INPP1: variants seen among roughly 807,000 people sequenced by gnomAD.
INPP1 encodes inositol polyphosphate-1-phosphatase, also known as inositol polyphosphate 1-phosphatase.
Under a neutral mutation model 23.0 loss-of-function variants are expected in INPP1, and 18 were observed. The observed-to-expected ratio is 0.78, with a 90% CI of 0.54 to 1.16. The LOEUF is 1.16. Ranked by LOEUF, INPP1 falls within the 50% of genes most tolerant of loss-of-function variation. The pLI is 0.00. For missense variants in INPP1, 448 were observed against 482.1 expected (o/e 0.93, Z 0.66); for synonymous variants, 164 against 176.3 (o/e 0.93, Z 0.55).
In INPP1 at chr2:190,352,167, G is replaced by A. The variant is rs1474805114; in HGVS notation, c.-65+3136G>A. Among the ~76,000 whole-genome samples, 1 of 152,152 alleles carries A rather than the reference G, an allele frequency of 6.6e-6. No homozygotes were observed. Among genetic ancestry groups the A allele is most frequent in the East Asian group, 1.9e-4 (1 of 5,192 alleles). On this transcript the variant is annotated intron_variant, in intron 2 of 6. Coordinates refer to ENST00000392329, the MANE Select transcript of INPP1 (RefSeq NM_001128928.2). This position sits in a 1 kb window ranked among gnomAD's most constrained non-coding sequence, Gnocchi z 4.7. ...TTCTGAGAAGGTGAGTGAGCATTAG[G>A]TCGAGAAAGCAGGAAGAAGGGCGTG... is the stretch of plus-strand genomic sequence containing the variant.
In INPP1 at chr2:190,352,361, T is replaced by A. The variant is rs1369023819; in HGVS notation, c.-65+3330T>A. On this transcript the variant is annotated intron_variant, in intron 2 of 6. Coordinates refer to ENST00000392329, the MANE Select transcript of INPP1 (RefSeq NM_001128928.2). The surrounding 1 kb of genome is among the most constrained non-coding windows in gnomAD (Gnocchi z 4.7). The stretch of plus-strand genomic sequence containing the variant: ...AATAAGACCCAGGAAGTACAGGCAG[T>A]CCCAAACTGTAATATTTATTGGATC... Among the ~76,000 whole-genome samples, 2 of 152,182 alleles carry A rather than the reference T, an allele frequency of 1.3e-5. No individual in the cohort carries two copies. Among genetic ancestry groups the A allele is most frequent in the Non-Finnish European group, 2.9e-5 (2 of 68,030 alleles).
At chr2:190,353,507 A>G (rs1689361868) in intron 2 of INPP1, among the ~76,000 whole-genome samples, 1 of 152,220 alleles carries the variant, frequency 6.6e-6, no homozygotes, top group Non-Finnish European at 1.5e-5. Flanking sequence ...AAGACATGTG[A>G]CTGTGGTTTC....
intron 4 of INPP1, among the ~76,000 whole-genome samples, chr2:190,366,481 T>C (rs1530226): frequency 0.64 from 95,605 of 149,442 alleles, 31,116 homozygotes; most frequent in East Asian, 0.76. Flanking sequence ...CTCGCTCTTT[T>C]GCTGTGTCTC....
rs191502439 is a variant in INPP1 at position 190,370,237 on chromosome 2, A to G, written c.642-607A>G. On this transcript the variant is annotated intron_variant, in intron 6 of 6. Coordinates refer to ENST00000392329, the MANE Select transcript of INPP1 (RefSeq NM_001128928.2). The stretch of plus-strand genomic sequence containing the variant: ...ACCACTTTCTAGCTGAGTGGGCCTC[A>G]GCAAGCTACTTACTTTCTCTAAGCC... Among the ~76,000 whole-genome samples, 5 of 150,114 alleles carry G rather than the reference A, an allele frequency of 3.3e-5. No homozygotes were observed. The East Asian group carries it at 9.6e-4, about 29-fold the overall frequency.
In INPP1 at chr2:190,343,925, GCTGCTGCCTC is replaced by G. The variant is rs2124905387; in HGVS notation, c.-239_-230del. 5.4e-6 allele frequency: 1 copy of G among 183,548 alleles called. No homozygotes were observed. The highest frequency in any genetic ancestry group is 2.4e-5 in the African/African-American group (1 of 41,800). The allele number at this position is 183,548 out of a possible 1,614,324, so 11.4% of individuals were successfully genotyped here. A position where few individuals can be genotyped will look rare whatever the true frequency, so the allele number is the denominator to read the frequency against. On this transcript the variant is annotated 5_prime_UTR_variant, in exon 1 of 7. Transcript: ENST00000392329. ...GCCGCTTCCGTTTCTCGAGGGAAAGGCTGCTGCCTCCTGCTCTGTCCTCATCCCCGGCTTA... is the reference window on the plus strand; with the variant it reads ...GCCGCTTCCGTTTCTCGAGGGAAAGGCTGCTCTGTCCTCATCCCCGGCTTA...
At position 190,362,690 on chromosome 2, in the gene INPP1, A is replaced by G; in HGVS notation, c.265+3A>G. 2 of 1,565,278 alleles carry G rather than the reference A, an allele frequency of 1.3e-6. No homozygotes were observed. The highest frequency in any genetic ancestry group is 2.7e-5 in the African/African-American group (2 of 73,752). ...CAATGAGTTTACTAATGACTGGGGT[A>G]AGTATAAGAATCTTAATGTGTCTTT... is the stretch of plus-strand genomic sequence containing the variant. On this transcript the variant is annotated splice_donor_region_variant and intron_variant, in intron 4 of 6. Coordinates refer to ENST00000392329, the MANE Select transcript of INPP1 (RefSeq NM_001128928.2).
At position 190,355,489 on chromosome 2, in the gene INPP1, G is replaced by C. The variant is rs1307378717; in HGVS notation, c.-64-4550G>C. ...TTAAATCTGTGTTTAGAGTTATACA[G>C]GTTGCTGACAAAAATACAGATTCCT... is the stretch of plus-strand genomic sequence containing the variant. On this transcript the variant is annotated intron_variant, in intron 2 of 6. Coordinates refer to ENST00000392329, the MANE Select transcript of INPP1 (RefSeq NM_001128928.2). This position sits in a 1 kb window ranked among gnomAD's most constrained non-coding sequence, Gnocchi z 5.1. Among the ~76,000 whole-genome samples the C allele has an allele frequency of 6.6e-6, 1 of 152,182 alleles. No individual in the cohort carries two copies. The highest frequency in any genetic ancestry group is 1.5e-5 in the Non-Finnish European group (1 of 68,042).
At position 190,367,268 on chromosome 2, in the gene INPP1, A is replaced by G. The variant is rs1689699696; in HGVS notation, c.466+373A>G. ...GACCAATTGAGCACACATACCATTT[A>G]AAGAGCACTTAGCTTTAGCAGATTG... On this transcript the variant is annotated intron_variant, in intron 5 of 6. Transcript: ENST00000392329. This position sits in a 1 kb window ranked among gnomAD's most constrained non-coding sequence, Gnocchi z 4.1. Among the ~76,000 whole-genome samples, 2 of 152,220 alleles carry G rather than the reference A, an allele frequency of 1.3e-5. No homozygotes were observed. Among genetic ancestry groups the G allele is most frequent in the Admixed American group, 1.3e-4 (2 of 15,278 alleles).
chr2:190,361,652 A>T lies in INPP1; in HGVS notation c.205-975A>T, dbSNP rs187048858. The stretch of plus-strand genomic sequence containing the variant: ...GTTTATTCATGAGCTAAAATAAATG[A>T]TATTCCATTTTAGCTGTATAAAATA... On this transcript the variant is annotated intron_variant, in intron 3 of 6. Transcript: ENST00000392329. 3.9e-5 allele frequency among the ~76,000 whole-genome samples: 6 copies of T among 152,322 alleles called. No homozygotes were observed. The South Asian group carries it at 6.2e-4, about 16-fold the overall frequency.
intron 4 of INPP1, chr2:190,365,155 A>G (rs1689619008): frequency 1.2e-5 from 2 of 169,206 alleles, no homozygotes; most frequent in African/African-American, 4.8e-5. Flanking sequence ...CAGATTAATC[A>G]AGGGTCTAAG....
intron 1 of INPP1, among the ~76,000 whole-genome samples, chr2:190,347,286 C>T (rs1225570282): frequency 1.3e-5 from 2 of 152,004 alleles, no homozygotes; most frequent in Non-Finnish European, 2.9e-5. Flanking sequence ...GCTGGGATTA[C>T]AGGCGTGAGC....
chr2:190,362,317 A>G (rs1054440894), intron 3 of INPP1, among the ~76,000 whole-genome samples: 8 of 152,210 alleles, frequency 5.3e-5, no homozygotes, highest in Admixed American at 2.0e-4. Flanking sequence ...TTCGAATTCT[A>G]TGGCCCTTAA....
intron 1 of INPP1, among the ~76,000 whole-genome samples, chr2:190,348,090 A>G (rs1235007749): frequency 6.6e-6 from 1 of 152,234 alleles, no homozygotes; most frequent in East Asian, 1.9e-4. Context: ...GTGAGTCAAG[A>G]TCGTGCCACT....
At chr2:190,348,238 C>T (rs1295575315) in intron 1 of INPP1, among the ~76,000 whole-genome samples, 2 of 152,140 alleles carry the variant, frequency 1.3e-5, no homozygotes, top group South Asian at 4.1e-4. Flanking sequence ...ATTTTCCTAT[C>T]GCTACCCCCA....
In INPP1 at chr2:190,362,581, T is replaced by A. The variant is rs745969491; in HGVS notation, c.205-46T>A. The A allele has an allele frequency of 1.7e-5, 20 of 1,155,504 alleles. No individual in the cohort carries two copies. The South Asian group carries it at 2.3e-4, about 13-fold the overall frequency. 71.6% of individuals were successfully genotyped at this position (1,155,504 alleles called of 1,614,324 possible). On this transcript the variant is annotated intron_variant, in intron 3 of 6. Coordinates refer to ENST00000392329, the MANE Select transcript of INPP1 (RefSeq NM_001128928.2). ...TGAAATCTGTTCAGAATTGAGCATA[T>A]GTGTGGGTTTTTGTTTTGTTTTTCG...
chr2:190,361,865 C>T (rs192541948), intron 3 of INPP1, among the ~76,000 whole-genome samples: 6 of 152,174 alleles, frequency 3.9e-5, no homozygotes, highest in South Asian at 4.1e-4. Context: ...TGCAAATGAC[C>T]GAGTTCAAAT....
At position 190,370,999 on chromosome 2, in the gene INPP1, C is replaced by A; in HGVS notation, c.797C>A (p.Thr266Lys). The A allele has an allele frequency of 6.2e-7, 1 of 1,614,156 alleles. No individual in the cohort carries two copies. Among genetic ancestry groups the A allele is most frequent in the South Asian group, 1.1e-5 (1 of 91,076 alleles). The part of the protein sequence containing the change: ...FSPSFSAVIS[T>K]SEKETIKAAL... ...CCCAGTTTTTCAGCCGTAATTAGTACAAGTGAAAAGGAGACTATCAAAGCT... is the reference window on the plus strand; with the variant it reads ...CCCAGTTTTTCAGCCGTAATTAGTAAAAGTGAAAAGGAGACTATCAAAGCT... Residue 266 changes from threonine (T) to lysine (K), a missense_variant, in exon 7 of 7, where the codon ACA (threonine) becomes AAA (lysine). Coordinates refer to ENST00000392329, the MANE Select transcript of INPP1 (RefSeq NM_001128928.2).
intron 2 of INPP1, among the ~76,000 whole-genome samples, chr2:190,351,517 A>T (rs1271159917): frequency 1.3e-5 from 2 of 152,188 alleles, no homozygotes; most frequent in Admixed American, 1.3e-4. Context: ...ACGTTGCTAT[A>T]GGTTGGTTTT....
rs1984626 is a variant in INPP1 at position 190,354,338 on chromosome 2, C to A, written c.-65+5307C>A. ...ATAGATTGGGTCGCTAAGGTAACCA[C>A]GGCCTGTCTTTCAGGAGAGGTTTTA... is the stretch of plus-strand genomic sequence containing the variant. On this transcript the variant is annotated intron_variant, in intron 2 of 6. Coordinates refer to ENST00000392329, the MANE Select transcript of INPP1 (RefSeq NM_001128928.2). This position sits in a 1 kb window ranked among gnomAD's most constrained non-coding sequence, Gnocchi z 4.8. Among the ~76,000 whole-genome samples the A allele has an allele frequency of 0.42, 64,462 of 152,072 alleles. 16,165 individuals carry two copies. The highest frequency in any genetic ancestry group is 0.7 in the African/African-American group (29,040 of 41,476).
Sources: gnomAD v4.1 joint callset for allele counts (sites outside exome capture counted in the v4.1 genomes callset) on GRCh38, gnomAD v4.1.1 for gene constraint, Gnocchi (gnomAD v3.1) non-coding constraint, MANE v1.5 for transcripts, NCBI Gene and HGNC (gene_info 2026-07-23, HGNC 2026-07-21) for gene names.